The following SEC14L1 variants were observed in gnomAD, a reference collection of about 807,000 sequenced individuals.
SEC14L1 encodes SEC14 like lipid binding 1.
In SEC14L1, 48 loss-of-function variants were observed where a neutral mutation model predicts 85.3. That is an observed-to-expected ratio of 0.56 (90% CI 0.45 to 0.72). The LOEUF (loss-of-function observed/expected upper bound fraction) is 0.72. Ranked by LOEUF, SEC14L1 falls within the 30% of genes least tolerant of loss-of-function variation. The probability of loss-of-function intolerance (pLI) is 0.00; values close to 1 mark genes in which losing one functional copy is unlikely to be tolerated. For synonymous variants in SEC14L1, 391 were observed against 355.5 expected (o/e 1.10, Z -1.12); for missense variants, 682 against 921.4 (o/e 0.74, Z 3.36).
intron 8 of SEC14L1, among the ~76,000 whole-genome samples, chr17:77,198,740 A>T (rs1456819999): frequency 2.6e-5 from 4 of 151,782 alleles, no homozygotes; most frequent in Admixed American, 2.6e-4. Flanking sequence ...CGCCCAGATA[A>T]TTTTTGTATT....
At chr17:77,190,007 A>AT (rs1299078155) in intron 3 of SEC14L1, among the ~76,000 whole-genome samples, 2 of 152,078 alleles carry the variant, frequency 1.3e-5, no homozygotes, top group South Asian at 2.1e-4. Context: ...GTGGATTGTG[A>AT]TTTTGTTGTC....
At chr17:77,187,406 C>G (rs1364760840) in intron 3 of SEC14L1, among the ~76,000 whole-genome samples, 1 of 151,722 alleles carries the variant, frequency 6.6e-6, no homozygotes, top group Non-Finnish European at 1.5e-5. Flanking sequence ...GAGACGGAGT[C>G]TCTCTCTGCC....
At position 77,194,817 on chromosome 17, in the gene SEC14L1, C is replaced by A; in HGVS notation, c.615C>A (p.Ala205=). 2 of 1,614,212 alleles carry A rather than the reference C, an allele frequency of 1.2e-6. No homozygotes were observed. The highest frequency in any genetic ancestry group is 2.2e-5 in the East Asian group (1 of 44,882). ...CCAAGAAACAAGCAGCGTCCATGGC[C>A]GTCGTCATCCCAGAAGCTGCCCTCA... The part of the protein sequence containing the change: ...SSSKKQAASM[A]VVIPEAALKE... The change falls in exon 7 of 17, where the codon GCC becomes GCA. Residue 205 remains alanine, a synonymous_variant. Transcript: ENST00000436233.
intron 3 of SEC14L1, among the ~76,000 whole-genome samples, chr17:77,165,695 CCTTTT>C (rs562600716): frequency 0.013 from 1,936 of 152,202 alleles, 38 homozygotes; most frequent in Non-Finnish European, 0.014. Context: ...CTTCCTTTGG[CCTTTT>C]CTTTTCTCTG....
chr17:77,100,428 CTTTTTTTT>C (rs1188386603), intron 3 of SEC14L1, among the ~76,000 whole-genome samples: 1 of 25,576 alleles, frequency 3.9e-5, no homozygotes, highest in Non-Finnish European at 6.8e-5. Flanking sequence ...CTCTCTCTCT[CTTTTTTTT>C]TTTTTTTTTT....
At chr17:77,148,505 T>C (rs191788797) in intron 3 of SEC14L1, among the ~76,000 whole-genome samples, 3 of 152,172 alleles carry the variant, frequency 2.0e-5, no homozygotes, top group African/African-American at 4.8e-5. Flanking sequence ...ACCTCATTCT[T>C]TGCTCTCTCC....
intron 1 of SEC14L1, among the ~76,000 whole-genome samples, chr17:77,142,233 A>G (rs1201560954): frequency 3.3e-5 from 5 of 152,154 alleles, no homozygotes; most frequent in Non-Finnish European, 7.3e-5. Flanking sequence ...GAGGTATGCC[A>G]GACATACCAG....
At chr17:77,204,349 C>T (rs1976348921) in intron 10 of SEC14L1, among the ~76,000 whole-genome samples, 1 of 151,950 alleles carries the variant, frequency 6.6e-6, no homozygotes, top group African/African-American at 2.4e-5. Context: ...TCCTGAGTAG[C>T]TGGGATTTCA....
chr17:77,198,325 C>G (rs1157857299), intron 8 of SEC14L1, among the ~76,000 whole-genome samples: 1 of 152,252 alleles, frequency 6.6e-6, no homozygotes, highest in East Asian at 1.9e-4. Context: ...TATGTAAACC[C>G]AAATATAAAA....
At chr17:77,119,325 A>T (rs964754646) in intron 3 of SEC14L1, among the ~76,000 whole-genome samples, 7 of 148,760 alleles carry the variant, frequency 4.7e-5, no homozygotes, top group Non-Finnish European at 1.0e-4. Context: ...AAAAAAAAAA[A>T]TACAGCCTGG....
rs73378315 is a variant in SEC14L1 at position 77,191,321 on chromosome 17, T to C, written c.345+9T>C. Reference sequence around the variant, plus strand: ...AGCATTGCTGCTACACCGTGAGTAATCTGTCACTCGGCGGAAGATGTTCTG... The same window carrying C: ...AGCATTGCTGCTACACCGTGAGTAACCTGTCACTCGGCGGAAGATGTTCTG... On this transcript the variant is annotated intron_variant, in intron 5 of 16. Coordinates refer to ENST00000436233, the MANE Select transcript of SEC14L1 (RefSeq NM_001143998.2). The C allele has an allele frequency of 4.2e-3, 6,731 of 1,614,024 alleles. 219 individuals are homozygous for C. In the African/African-American group the frequency reaches 0.074, roughly 18 times the overall value.
intron 13 of SEC14L1, among the ~76,000 whole-genome samples, chr17:77,207,074 T>G (rs1373966757): frequency 6.6e-6 from 1 of 152,242 alleles, no homozygotes; most frequent in Non-Finnish European, 1.5e-5. Context: ...CATTGTTAAA[T>G]ACGAATGAGA....
intron 3 of SEC14L1, among the ~76,000 whole-genome samples, chr17:77,153,895 CT>C (rs1349150084): frequency 2.0e-5 from 3 of 152,164 alleles, no homozygotes; most frequent in Non-Finnish European, 2.9e-5. Flanking sequence ...GAAGCAGACA[CT>C]TTTATATAGT....
At chr17:77,189,306 G>A (rs1379173246) in intron 3 of SEC14L1, among the ~76,000 whole-genome samples, 1 of 152,148 alleles carries the variant, frequency 6.6e-6, no homozygotes, top group Non-Finnish European at 1.5e-5. Flanking sequence ...TTAACGCAGA[G>A]GGGACTTCCT....
chr17:77,120,624 G>C (rs997228243), intron 3 of SEC14L1, among the ~76,000 whole-genome samples: 4 of 152,056 alleles, frequency 2.6e-5, no homozygotes, highest in Non-Finnish European at 5.9e-5. Flanking sequence ...TTACAGGTGC[G>C]TGCCACCACG....
Position 77,206,528 on chromosome 17 carries a change from T to C in SEC14L1, c.1341+128T>C, listed in dbSNP as rs767611144. On this transcript the variant is annotated intron_variant, in intron 12 of 16. Coordinates refer to ENST00000436233, the MANE Select transcript of SEC14L1 (RefSeq NM_001143998.2). This position sits in a 1 kb window ranked among gnomAD's most constrained non-coding sequence, Gnocchi z 4.3. ...AAAAAAACAATAACATGCAAAGATA[T>C]AAAATTTCTCAAATTGTTTAAGAAA... 62 of 1,303,074 alleles carry C rather than the reference T, an allele frequency of 4.8e-5. No individual in the cohort carries two copies. The highest frequency in any genetic ancestry group is 6.2e-5 in the Non-Finnish European group (59 of 957,818). 80.7% of individuals were successfully genotyped at this position (1,303,074 alleles called of 1,614,324 possible).
intron 3 of SEC14L1, among the ~76,000 whole-genome samples, chr17:77,099,524 G>C (rs915591840): frequency 3.9e-5 from 6 of 152,216 alleles, no homozygotes; most frequent in African/African-American, 1.4e-4. Flanking sequence ...GGGAGGCCAA[G>C]GCGGGTGGAT....
chr17:77,198,022 A>G (rs968409933), intron 8 of SEC14L1, among the ~76,000 whole-genome samples: 1 of 152,268 alleles, frequency 6.6e-6, no homozygotes, highest in African/African-American at 2.4e-5. Flanking sequence ...TTTTAAAAGC[A>G]TCTGACCTTA....
In SEC14L1 at chr17:77,205,353, G is replaced by A; in HGVS notation, c.1169+7G>A. The A allele has an allele frequency of 6.2e-7, 1 of 1,612,554 alleles. No individual in the cohort carries two copies. Among genetic ancestry groups the A allele is most frequent in the Non-Finnish European group, 8.5e-7 (1 of 1,178,646 alleles). On this transcript the variant is annotated splice_region_variant and intron_variant, in intron 11 of 16. Coordinates refer to ENST00000436233, the MANE Select transcript of SEC14L1 (RefSeq NM_001143998.2). Reference sequence around the variant, plus strand: ...TCTTTGGTCGGCCTATCAGGTAGATGTGGGATTTTGTTTTTCCTTTCAACT... The same window carrying A: ...TCTTTGGTCGGCCTATCAGGTAGATATGGGATTTTGTTTTTCCTTTCAACT...
Sources: allele counts gnomAD v4.1 joint callset (sites outside exome capture counted in the v4.1 genomes callset), GRCh38; gene constraint gnomAD v4.1.1; non-coding constraint Gnocchi (gnomAD v3.1); transcripts MANE v1.5; gene names NCBI Gene and HGNC (gene_info 2026-07-23, HGNC 2026-07-21).